Variants in NRAS observed in about 807,000 individuals in gnomAD.
NRAS encodes the protein NRAS proto-oncogene, GTPase, also known as GTPase NRas.
A neutral mutation model predicts 21.3 loss-of-function variants in NRAS; 6 were observed. The observed-to-expected ratio is 0.28, with a 90% confidence interval of 0.15 to 0.56. The LOEUF is 0.56. Among genes scored for constraint, NRAS ranks in the 20% least tolerant of loss-of-function variants. The pLI, the probability that NRAS is intolerant of heterozygous loss-of-function variation, is 0.93. For synonymous variants in NRAS, 84 were observed against 82.0 expected (o/e 1.02, Z -0.13); for missense variants, 143 against 231.3 (o/e 0.62, Z 2.48).
intron 1 of NRAS, 33 bp from the exon 2 acceptor site, chr1:114,716,210 G>A (rs767355890): frequency 8.4e-7 from 1 of 1,188,552 alleles, no homozygotes; most frequent in Non-Finnish European, 1.3e-6. Flanking sequence ...GTTAATTGGC[G>A]AGCCACATCT....
rs1658943403 is a variant in NRAS, at chr1:114,707,472, A to C, written c.*622T>G. The C allele has an allele frequency of 6.6e-6, 1 of 152,668 alleles. No individual in the cohort carries two copies. The highest frequency in any genetic ancestry group is 6.5e-5 in the Admixed American group (1 of 15,284). 9.5% of individuals were successfully genotyped at this position (152,668 alleles called of 1,614,324 possible). A position where few individuals can be genotyped will look rare whatever the true frequency, so the allele number is the denominator to read the frequency against. ...AAAGGCACTTCACTGTGAAAGTTGG[A>C]TTTAATTACGTCAAAGTTGTGAAGA... On this transcript the variant is annotated 3_prime_UTR_variant, in exon 7 of 7. Coordinates refer to ENST00000369535, the MANE Select transcript of NRAS (RefSeq NM_002524.5).
At chr1:114,708,745 G>T (rs1658973384) in intron 4 of NRAS, 91 bp from the exon 5 acceptor site, 2 of 1,165,052 alleles carry the variant, frequency 1.7e-6, no homozygotes, top group Non-Finnish European at 2.5e-6. Context: ...ATCTCTTTAT[G>T]TGGACATAAG....
intron 5 of NRAS, 147 bp downstream of exon 5, chr1:114,708,384 C>A: frequency 1.3e-6 from 1 of 768,590 alleles, no homozygotes. Flanking sequence ...GACCTCAGTA[C>A]TTTCAGAAAG....
rs1335990336 is a variant in NRAS at position 114,704,689 on chromosome 1, T to C, written c.*3405A>G. 1 of 152,170 alleles carries C rather than the reference T, an allele frequency of 6.6e-6. No individual in the cohort carries two copies. The highest frequency in any genetic ancestry group is 1.5e-5 in the Non-Finnish European group (1 of 68,006). 9.4% of individuals were successfully genotyped at this position (152,170 alleles called of 1,614,324 possible). On this transcript the variant is annotated 3_prime_UTR_variant, in exon 7 of 7. Transcript: ENST00000369535. ...ACCTATATTTGATGGCACAAAAAAA[T>C]AAAAGTCTTACAACTTCCACGGACA... is the stretch of plus-strand genomic sequence containing the variant.
chr1:114,713,287 C>T (rs1201427548), intron 3 of NRAS, among the ~76,000 whole-genome samples: 1 of 152,080 alleles, frequency 6.6e-6, no homozygotes, highest in Non-Finnish European at 1.5e-5. Context: ...GATCCTCCCA[C>T]CTCTGCCTCC....
intron 3 of NRAS, among the ~76,000 whole-genome samples, chr1:114,713,299 G>A (rs1250182035): frequency 4.6e-5 from 7 of 151,854 alleles, no homozygotes; most frequent in Admixed American, 4.6e-4. Context: ...TCTGCCTCCC[G>A]AGTAGCTGCC....
rs1658924324 is a variant in NRAS, at chr1:114,706,580, G to T, written c.*1514C>A. 6.6e-6 allele frequency: 1 copy of T among 152,112 alleles called. No homozygotes were observed. Among genetic ancestry groups the T allele is most frequent in the Non-Finnish European group, 1.5e-5 (1 of 68,010 alleles). The allele number at this position is 152,112 out of a possible 1,614,324, so 9.4% of individuals were successfully genotyped here. On this transcript the variant is annotated 3_prime_UTR_variant, in exon 7 of 7. Coordinates refer to ENST00000369535, the MANE Select transcript of NRAS (RefSeq NM_002524.5). ...CTGAGACATCCTCATTCTCAAATGA[G>T]AATATTGGCTTAATTTAGAGTTTCT... is the stretch of plus-strand genomic sequence containing the variant.
chr1:114,708,903 G>A (rs1240917403), intron 4 of NRAS, among the ~76,000 whole-genome samples: 1 of 152,214 alleles, frequency 6.6e-6, no homozygotes, highest in African/African-American at 2.4e-5. Flanking sequence ...CAAAGGAAAA[G>A]GGTAATGTGA....
rs533977899 is a variant in NRAS, at chr1:114,712,509, C to T, written c.290+1291G>A. ...AGAAGAAAAATGACTTCTAGAAATT[C>T]AAAAAACATTTATTAGATGCATGCC... On this transcript the variant is annotated intron_variant, in intron 3 of 6. Coordinates refer to ENST00000369535, the MANE Select transcript of NRAS (RefSeq NM_002524.5). 6.7e-4 allele frequency among the ~76,000 whole-genome samples: 102 copies of T among 151,924 alleles called. 1 individual carries two copies. The highest frequency in any genetic ancestry group is 3.4e-3 in the Middle Eastern group (1 of 294).
In NRAS at chr1:114,707,508, C is replaced by A. The variant is rs1187116861; in HGVS notation, c.*586G>T. 4 of 152,568 alleles carry A rather than the reference C, an allele frequency of 2.6e-5. No homozygotes were observed. Among genetic ancestry groups the A allele is most frequent in the African/African-American group, 9.7e-5 (4 of 41,412 alleles). The allele number at this position is 152,568 out of a possible 1,614,324, so 9.5% of individuals were successfully genotyped here. ...TCAAAGTTGTGAAGACTAGGATAGACTCAAAATTCAGTATTCATTTTTGTA... is the reference window on the plus strand; with the variant it reads ...TCAAAGTTGTGAAGACTAGGATAGAATCAAAATTCAGTATTCATTTTTGTA... On this transcript the variant is annotated 3_prime_UTR_variant, in exon 7 of 7. Coordinates refer to ENST00000369535, the MANE Select transcript of NRAS (RefSeq NM_002524.5).
At chr1:114,711,602 T>C in intron 3 of NRAS, among the ~76,000 whole-genome samples, 1 of 57,072 alleles carries the variant, frequency 1.8e-5, no homozygotes, top group African/African-American at 1.9e-4. Context: ...CAAAACTCCG[T>C]CTCAAAAAAA....
chr1:114,709,357 C>T (rs1658988989), intron 4 of NRAS, among the ~76,000 whole-genome samples: 1 of 151,934 alleles, frequency 6.6e-6, no homozygotes. Flanking sequence ...ATCACTTGAA[C>T]CCAAGAGACA....
At position 114,705,814 on chromosome 1, in the gene NRAS, C is replaced by G. The variant is rs976865930; in HGVS notation, c.*2280G>C. 6.6e-6 allele frequency: 1 copy of G among 152,212 alleles called. No individual in the cohort carries two copies. Among genetic ancestry groups the G allele is most frequent in the African/African-American group, 2.4e-5 (1 of 41,444 alleles). 9.4% of individuals were successfully genotyped at this position (152,212 alleles called of 1,614,324 possible). A position where few individuals can be genotyped will look rare whatever the true frequency, so the allele number is the denominator to read the frequency against. ...GTAACTTCTTAAGGTATTCAAAGAA[C>G]ATACTCAAGTCTGAATTTTGGCCCC... On this transcript the variant is annotated 3_prime_UTR_variant, in exon 7 of 7. Transcript: ENST00000369535.
rs1191121011 is a variant in NRAS at position 114,706,836 on chromosome 1, C to G, written c.*1258G>C. 6.6e-6 allele frequency: 1 copy of G among 152,254 alleles called. No individual in the cohort carries two copies. Among genetic ancestry groups the G allele is most frequent in the East Asian group, 1.9e-4 (1 of 5,184 alleles). The allele number at this position is 152,254 out of a possible 1,614,324, so 9.4% of individuals were successfully genotyped here. ...AAACTGTGACCCTGGTCCATTAGCACCATGCTTTACTCAACTGAAATAATC... is the reference window on the plus strand; with the variant it reads ...AAACTGTGACCCTGGTCCATTAGCAGCATGCTTTACTCAACTGAAATAATC... On this transcript the variant is annotated 3_prime_UTR_variant, in exon 7 of 7. Transcript: ENST00000369535.
At chr1:114,709,266 G>A (rs1658986384) in intron 4 of NRAS, among the ~76,000 whole-genome samples, 1 of 151,880 alleles carries the variant, frequency 6.6e-6, no homozygotes, top group Non-Finnish European at 1.5e-5. Flanking sequence ...GTAAAACCCT[G>A]TCTCTACTAA....
rs1658937461 is a variant in NRAS at position 114,707,220 on chromosome 1, A to C, written c.*874T>G. 6.6e-6 allele frequency: 1 copy of C among 152,610 alleles called. No individual in the cohort carries two copies. The highest frequency in any genetic ancestry group is 1.5e-5 in the Non-Finnish European group (1 of 68,030). The allele number at this position is 152,610 out of a possible 1,614,324, so 9.5% of individuals were successfully genotyped here. ...TAAAAATTATTAAGTGAAATTATTC[A>C]TGTGCTTTCAGTTTCATCTTTCTCC... On this transcript the variant is annotated 3_prime_UTR_variant, in exon 7 of 7. Transcript: ENST00000369535.
chr1:114,714,117 C>A, intron 2 of NRAS, 139 bp from the exon 3 acceptor site: 1 of 556,316 alleles, frequency 1.8e-6, no homozygotes, highest in Non-Finnish European at 3.1e-6. Context: ...TGGTTTGTCC[C>A]TCAAATTGCT....
At chr1:114,716,017 G>A in intron 2 of NRAS, 33 bp downstream of exon 2, 1 of 1,233,968 alleles carries the variant, frequency 8.1e-7, no homozygotes, top group South Asian at 1.2e-5. Flanking sequence ...GTGAGAGACA[G>A]GATCAGGTCA....
intron 3 of NRAS, among the ~76,000 whole-genome samples, chr1:114,711,210 G>C (rs765391203): frequency 2.1e-4 from 32 of 152,134 alleles, no homozygotes; most frequent in Admixed American, 3.3e-4. Context: ...GGAAGCTGAG[G>C]TGGGAGGATC....
Sources: gnomAD v4.1 joint callset for allele counts (sites outside exome capture counted in the v4.1 genomes callset) on GRCh38, gnomAD v4.1.1 for gene constraint, MANE v1.5 for transcripts, NCBI Gene and HGNC (gene_info 2026-07-23, HGNC 2026-07-21) for gene names.